DOCK1: variants seen among roughly 807,000 people sequenced by gnomAD.
DOCK1 encodes dedicator of cytokinesis 1.
Under a neutral mutation model 262.7 loss-of-function variants are expected in DOCK1, and 138 were observed. The observed-to-expected ratio is 0.53, with a 90% CI of 0.46 to 0.61. The LOEUF (loss-of-function observed/expected upper bound fraction) is 0.61. Ranked by LOEUF, DOCK1 falls within the 20% of genes least tolerant of loss-of-function variation. The pLI, the probability that DOCK1 is intolerant of heterozygous loss-of-function variation, is 0.00. For missense variants in DOCK1, 1,908 were observed against 2,370.7 expected (o/e 0.80, Z 4.05); for synonymous variants, 866 against 867.4 (o/e 1.00, Z 0.03).
intron 29 of DOCK1, among the ~76,000 whole-genome samples, chr10:127,332,315 G>A (rs2063020644): frequency 1.3e-5 from 2 of 152,160 alleles, no homozygotes; most frequent in Admixed American, 1.3e-4. Flanking sequence ...GGGCATTTTA[G>A]GTTTTAGTTA....
chr10:127,435,706 C>T (rs1591052001), intron 48 of DOCK1, among the ~76,000 whole-genome samples: 1 of 152,170 alleles, frequency 6.6e-6, no homozygotes, highest in South Asian at 2.1e-4. Flanking sequence ...GCTCAGGCTG[C>T]TGGCTCTTCC....
At chr10:126,962,523 C>T (rs1396304544) in intron 1 of DOCK1, among the ~76,000 whole-genome samples, 3 of 152,242 alleles carry the variant, frequency 2.0e-5, no homozygotes, top group South Asian at 2.1e-4. Flanking sequence ...TCTCTAACTC[C>T]TGACCTCAAG....
intron 27 of DOCK1, among the ~76,000 whole-genome samples, chr10:127,206,065 C>T (rs753730634): frequency 7.3e-5 from 11 of 150,948 alleles, no homozygotes; most frequent in Non-Finnish European, 1.6e-4. Flanking sequence ...TTCAGTTTTC[C>T]AAAATAATTT....
chr10:127,320,079 A>T lies in DOCK1; in HGVS notation c.3045-18927A>T, dbSNP rs2720973. ...TAGAAGCCAGAGCCCTTGTGCACTC[A>T]TCGGTGCCCACAATAACTCATTAGG... On this transcript the variant is annotated intron_variant, in intron 29 of 51. Coordinates refer to ENST00000623213, the MANE Select transcript of DOCK1 (RefSeq NM_001290223.2). Among the ~76,000 whole-genome samples the T allele has an allele frequency of 5.2e-3, 799 of 152,292 alleles. 7 individuals are homozygous for T. Among genetic ancestry groups the T allele is most frequent in the African/African-American group, 0.018 (764 of 41,556 alleles).
intron 25 of DOCK1, among the ~76,000 whole-genome samples, chr10:127,119,326 G>A (rs958939842): frequency 2.6e-5 from 4 of 152,278 alleles, no homozygotes; most frequent in African/African-American, 2.4e-5. Flanking sequence ...GATTACAGGC[G>A]TGAGCCACCG....
intron 8 of DOCK1, 35 bp from the exon 9 acceptor site, chr10:126,999,319 A>G: frequency 6.3e-7 from 1 of 1,576,282 alleles, no homozygotes; most frequent in Non-Finnish European, 8.7e-7. Context: ...TGTTATTTGG[A>G]AAATTAACTT....
chr10:127,378,106 C>T (rs1023643834), intron 35 of DOCK1, among the ~76,000 whole-genome samples: 9 of 152,156 alleles, frequency 5.9e-5, no homozygotes, highest in African/African-American at 2.2e-4. Context: ...CTGAGTGTCA[C>T]TTAGTGCTTC....
At chr10:127,439,269 G>A in intron 49 of DOCK1, 44 bp downstream of exon 49, 1 of 1,567,254 alleles carries the variant, frequency 6.4e-7, no homozygotes, top group Admixed American at 1.9e-5. Flanking sequence ...GTAGCTTCAG[G>A]GACCTACCTT....
At chr10:127,323,001 G>A (rs951743792) in intron 29 of DOCK1, among the ~76,000 whole-genome samples, 2 of 152,310 alleles carry the variant, frequency 1.3e-5, no homozygotes, top group South Asian at 2.1e-4. Flanking sequence ...AGAGGATAGC[G>A]TGTGCTTCCC....
chr10:126,915,024 C>T (rs1428966632), intron 1 of DOCK1, among the ~76,000 whole-genome samples: 2 of 152,166 alleles, frequency 1.3e-5, no homozygotes, highest in Non-Finnish European at 2.9e-5. Context: ...CACATTTTCT[C>T]ACCGTGACCT....
At chr10:127,305,864 C>T (rs545890278) in intron 29 of DOCK1, among the ~76,000 whole-genome samples, 69 of 152,276 alleles carry the variant, frequency 4.5e-4, no homozygotes, top group African/African-American at 1.7e-3. Context: ...CATAGACCAG[C>T]GACCCCTGCT....
At chr10:127,340,884 A>G (rs2063397172) in intron 30 of DOCK1, among the ~76,000 whole-genome samples, 1 of 152,114 alleles carries the variant, frequency 6.6e-6, no homozygotes. Flanking sequence ...TGTCTTTTTT[A>G]TAAGTTGGAA....
Position 127,176,400 on chromosome 10 carries a change from C to G in DOCK1, c.2847+48636C>G. The G allele has an allele frequency of 6.3e-7, 1 of 1,592,640 alleles. No homozygotes were observed. Among genetic ancestry groups the G allele is most frequent in the Non-Finnish European group, 8.5e-7 (1 of 1,170,068 alleles). The stretch of plus-strand genomic sequence containing the variant: ...GCCGGTGTCCTTACTGACCATGGTT[C>G]CTGCATTCAGAAACAGCAACAGAGG... On this transcript the variant is annotated intron_variant, in intron 27 of 51. Coordinates refer to ENST00000623213, the MANE Select transcript of DOCK1 (RefSeq NM_001290223.2). The surrounding 1 kb of genome is among the most constrained non-coding windows in gnomAD (Gnocchi z 4.4).
At chr10:127,246,875 G>A (rs1188720736) in intron 27 of DOCK1, among the ~76,000 whole-genome samples, 1 of 152,170 alleles carries the variant, frequency 6.6e-6, no homozygotes, top group African/African-American at 2.4e-5. Context: ...TCATTTAATA[G>A]AGAAAAAATA....
At chr10:127,188,465 G>C (rs1022443521) in intron 27 of DOCK1, among the ~76,000 whole-genome samples, 1 of 152,172 alleles carries the variant, frequency 6.6e-6, no homozygotes, top group South Asian at 2.1e-4. Flanking sequence ...GCTTGGGGCA[G>C]CTCTTTTCAA....
At chr10:126,976,583 T>C (rs923368444) in intron 2 of DOCK1, among the ~76,000 whole-genome samples, 1 of 152,156 alleles carries the variant, frequency 6.6e-6, no homozygotes, top group East Asian at 1.9e-4. Context: ...ATCTGTCTGA[T>C]CTTTGGTTCT....
chr10:126,937,433 T>A (rs2034625863), intron 1 of DOCK1, among the ~76,000 whole-genome samples: 1 of 152,170 alleles, frequency 6.6e-6, no homozygotes, highest in Non-Finnish European at 1.5e-5. Context: ...AGTGGCTCTA[T>A]CTGTTTTACA....
chr10:127,153,994 C>T (rs1185563687), intron 27 of DOCK1: 4 of 1,060,610 alleles, frequency 3.8e-6, no homozygotes, highest in Non-Finnish European at 5.9e-6. Context: ...GCAGATGCCT[C>T]AAATCAAATG....
chr10:127,353,669 C>A (rs1398296304), intron 31 of DOCK1, among the ~76,000 whole-genome samples: 1 of 152,190 alleles, frequency 6.6e-6, no homozygotes, highest in Non-Finnish European at 1.5e-5. Flanking sequence ...CACTGTGGGC[C>A]AAGGCGCATG....
Sources: allele counts gnomAD v4.1 joint callset (sites outside exome capture counted in the v4.1 genomes callset), GRCh38; gene constraint gnomAD v4.1.1; non-coding constraint Gnocchi (gnomAD v3.1); transcripts MANE v1.5; gene names NCBI Gene and HGNC (gene_info 2026-07-23, HGNC 2026-07-21).